Variants in ZDHHC14 observed in about 807,000 individuals in gnomAD.
The protein encoded by ZDHHC14 is palmitoyltransferase ZDHHC14.
In ZDHHC14, 16 loss-of-function variants were observed where a neutral mutation model predicts 47.7. The ratio of observed to expected loss-of-function variants is 0.34; its 90% CI spans 0.23 to 0.51. ZDHHC14 has a LOEUF of 0.51. Among genes scored for constraint, ZDHHC14 ranks in the 20% least tolerant of loss-of-function variants. The pLI, the probability that ZDHHC14 is intolerant of heterozygous loss-of-function variation, is 0.97. For missense variants in ZDHHC14, 515 were observed against 662.5 expected, an observed-to-expected ratio of 0.78 and a Z score of 2.44; for synonymous variants, 293 against 278.9, an observed-to-expected ratio of 1.05 and a Z score of -0.50.
chr6:157,424,052 T>G (rs1373847705), intron 1 of ZDHHC14, among the ~76,000 whole-genome samples: 1 of 152,250 alleles, frequency 6.6e-6, no homozygotes, highest in Non-Finnish European at 1.5e-5. Context: ...TTTTAACAGA[T>G]GCGTGCTTTG....
intron 1 of ZDHHC14, among the ~76,000 whole-genome samples, chr6:157,458,849 A>ATTGTTTTTTTTTTTTTTTTTT (rs1778991653): frequency 1.2e-5 from 1 of 81,226 alleles, no homozygotes; most frequent in Non-Finnish European, 2.3e-5. Context: ...ATGTGGGTGG[A>ATTGTTTTTTTTTTTTTTTTTT]TTTTTTTTTT....
intron 1 of ZDHHC14, among the ~76,000 whole-genome samples, chr6:157,431,890 A>G (rs9346763): frequency 0.24 from 36,107 of 151,574 alleles, 4,517 homozygotes; most frequent in African/African-American, 0.31. Flanking sequence ...CACCATACCT[A>G]GCTAATTTTT....
intron 8 of ZDHHC14, among the ~76,000 whole-genome samples, chr6:157,666,923 A>G (rs1431243147): frequency 6.6e-6 from 1 of 152,208 alleles, no homozygotes; most frequent in Non-Finnish European, 1.5e-5. Flanking sequence ...TTGGGCAGTA[A>G]ATCAGCTGTC....
At position 157,653,592 on chromosome 6, in the gene ZDHHC14, A is replaced by C. The variant is rs1777941911; in HGVS notation, c.1033A>C (p.Thr345Pro). The C allele has an allele frequency of 1.1e-5, 18 of 1,613,928 alleles. No homozygotes were observed. The highest frequency in any genetic ancestry group is 1.5e-5 in the Non-Finnish European group (18 of 1,179,966). ...GCCAGCAGCACCCTCCAATGGCATC[A>C]CCATGTACGGGGCCACGCAGTCACA... is the stretch of plus-strand genomic sequence containing the variant. The part of the protein sequence containing the change: ...PQPAAPSNGI[T>P]MYGATQSQSD... Residue 345 changes from threonine (T) to proline (P), a missense_variant, in exon 8 of 9, where the codon ACC becomes CCC. By Grantham distance (38) the Thr-to-Pro change is conservative (BLOSUM62 -1). Transcript: ENST00000359775.
At chr6:157,662,633 C>A (rs1488934868) in intron 8 of ZDHHC14, among the ~76,000 whole-genome samples, 2 of 152,252 alleles carry the variant, frequency 1.3e-5, no homozygotes, top group Non-Finnish European at 2.9e-5. Flanking sequence ...CCAAAGACCT[C>A]CACCCTGGAT....
chr6:157,473,446 C>T (rs1216205250), intron 1 of ZDHHC14, among the ~76,000 whole-genome samples: 4 of 152,180 alleles, frequency 2.6e-5, no homozygotes, highest in African/African-American at 9.7e-5. Context: ...TTTCACTTAA[C>T]GTAATGTCCT....
At chr6:157,496,610 G>A (rs1780071834) in intron 1 of ZDHHC14, among the ~76,000 whole-genome samples, 1 of 152,164 alleles carries the variant, frequency 6.6e-6, no homozygotes, top group East Asian at 1.9e-4. Context: ...AGACCCATAG[G>A]GAGAAGATGG....
At chr6:157,662,582 T>G (rs1330988368) in intron 8 of ZDHHC14, among the ~76,000 whole-genome samples, 1 of 152,252 alleles carries the variant, frequency 6.6e-6, no homozygotes, top group Admixed American at 6.5e-5. Context: ...TGTTCCAACT[T>G]CTTTTCCTCA....
intron 1 of ZDHHC14, among the ~76,000 whole-genome samples, chr6:157,490,566 T>C (rs985970754): frequency 2.0e-5 from 3 of 152,220 alleles, no homozygotes; most frequent in African/African-American, 7.2e-5. Context: ...TAATGTAACA[T>C]GAATTGTGTA....
At chr6:157,490,117 A>G (rs1420911762) in intron 1 of ZDHHC14, among the ~76,000 whole-genome samples, 1 of 152,052 alleles carries the variant, frequency 6.6e-6, no homozygotes, top group African/African-American at 2.4e-5. Context: ...AACACGGTGG[A>G]CGCTCATGCC....
intron 2 of ZDHHC14, among the ~76,000 whole-genome samples, chr6:157,589,175 G>A (rs1330623637): frequency 6.6e-6 from 1 of 152,142 alleles, no homozygotes; most frequent in Non-Finnish European, 1.5e-5. Context: ...GGCCAGAGCA[G>A]GAGGAAGAGG....
At chr6:157,418,066 C>A (rs922571712) in intron 1 of ZDHHC14, among the ~76,000 whole-genome samples, 1 of 152,184 alleles carries the variant, frequency 6.6e-6, no homozygotes, top group Non-Finnish European at 1.5e-5. Context: ...TCTGCACTTA[C>A]CCCACATGGT....
At chr6:157,417,225 T>A (rs1354806084) in intron 1 of ZDHHC14, among the ~76,000 whole-genome samples, 1 of 152,106 alleles carries the variant, frequency 6.6e-6, no homozygotes. Flanking sequence ...TCCAATTCTG[T>A]ATGCTCCTTA....
intron 1 of ZDHHC14, among the ~76,000 whole-genome samples, chr6:157,477,632 A>T (rs906026535): frequency 3.3e-5 from 5 of 152,004 alleles, no homozygotes; most frequent in Non-Finnish European, 7.4e-5. Context: ...TCACCCTTAT[A>T]AAAAAAACTC....
Position 157,566,459 on chromosome 6 carries a change from C to G in ZDHHC14, c.406+23714C>G, listed in dbSNP as rs1782905264. Among the ~76,000 whole-genome samples the G allele has an allele frequency of 2.0e-5, 3 of 152,154 alleles. No individual in the cohort carries two copies. The South Asian group carries it at 6.2e-4, about 32-fold the overall frequency. On this transcript the variant is annotated intron_variant, in intron 2 of 8. Coordinates refer to ENST00000359775, the MANE Select transcript of ZDHHC14 (RefSeq NM_024630.3). Reference sequence around the variant, plus strand: ...AAACCAGAGGTGTACTGTGCTTAGTCCAGAGATCCCATTGCTAGATCCAGA... The same window carrying G: ...AAACCAGAGGTGTACTGTGCTTAGTGCAGAGATCCCATTGCTAGATCCAGA...
chr6:157,418,091 A>G (rs1235367303), intron 1 of ZDHHC14, among the ~76,000 whole-genome samples: 1 of 152,102 alleles, frequency 6.6e-6, no homozygotes, highest in African/African-American at 2.4e-5. Flanking sequence ...GGATGGCTGC[A>G]CTGACTCCAG....
intron 1 of ZDHHC14, among the ~76,000 whole-genome samples, chr6:157,414,869 A>C (rs1777942992): frequency 6.8e-6 from 1 of 147,572 alleles, no homozygotes; most frequent in African/African-American, 2.5e-5. Context: ...TGCCTGATGA[A>C]ATTGTGAATT....
chr6:157,565,698 A>G (rs1472739732), intron 2 of ZDHHC14, among the ~76,000 whole-genome samples: 2 of 151,614 alleles, frequency 1.3e-5, no homozygotes, highest in East Asian at 3.9e-4. Flanking sequence ...CCCAGCTACT[A>G]TGGGGGGCTG....
chr6:157,486,384 T>C (rs762535731), intron 1 of ZDHHC14, among the ~76,000 whole-genome samples: 3 of 152,270 alleles, frequency 2.0e-5, no homozygotes, highest in Non-Finnish European at 4.4e-5. Flanking sequence ...AATTTCTGGC[T>C]GACACCTCTT....
Sources: allele counts gnomAD v4.1 joint callset (sites outside exome capture counted in the v4.1 genomes callset), GRCh38; gene constraint gnomAD v4.1.1; transcripts MANE v1.5; gene names NCBI Gene and HGNC (gene_info 2026-07-23, HGNC 2026-07-21).